Variants in ELAVL4 observed in about 807,000 individuals in gnomAD.
The protein encoded by ELAVL4 is ELAV-like protein 4.
ELAVL4 carries 1 observed loss-of-function variant against 35.6 expected under a neutral mutation model. The observed-to-expected ratio is 0.03, with a 90% CI of 0.01 to 0.13. ELAVL4 has a LOEUF of 0.13. ELAVL4 is among the 10% of genes least tolerant of loss of function. The pLI, the probability that ELAVL4 is intolerant of heterozygous loss-of-function variation, is 1.00. For missense variants in ELAVL4, 267 were observed against 464.9 expected, an observed-to-expected ratio of 0.57 and a Z score of 3.91; for synonymous variants, 156 against 171.0, an observed-to-expected ratio of 0.91 and a Z score of 0.69.
At chr1:50,145,300 G>A in intron 2 of ELAVL4, 103 bp downstream of exon 2, 1 of 1,525,868 alleles carries the variant, frequency 6.6e-7, no homozygotes, top group Non-Finnish European at 8.9e-7. Context: ...CATGTACCCT[G>A]CATGCAAGAT....
chr1:50,158,674 C>T (rs1676183593), intron 2 of ELAVL4, among the ~76,000 whole-genome samples: 1 of 152,108 alleles, frequency 6.6e-6, no homozygotes, highest in African/African-American at 2.4e-5. Flanking sequence ...CTAGATTATC[C>T]CAGAAGCAAG....
chr1:50,103,061 AC>A, upstream of ELAVL4, among the ~76,000 whole-genome samples: 1 of 152,336 alleles, frequency 6.6e-6, no homozygotes, highest in South Asian at 2.1e-4. Context: ...TGGAAAGGAA[AC>A]TTTTACTTTC....
intron 1 of ELAVL4, among the ~76,000 whole-genome samples, chr1:50,070,128 T>C (rs1481813384): frequency 6.6e-6 from 1 of 152,242 alleles, no homozygotes; most frequent in Admixed American, 6.5e-5. Context: ...CTGAGCTTTC[T>C]TGACACTGTT....
intron 2 of ELAVL4, among the ~76,000 whole-genome samples, chr1:50,147,601 C>A (rs1182691370): frequency 2.0e-5 from 3 of 152,102 alleles, no homozygotes; most frequent in African/African-American, 7.2e-5. Context: ...TATATCACAC[C>A]AGGCAAGTGG....
In ELAVL4 at chr1:50,137,485, G is replaced by A. The variant is rs1672077650; in HGVS notation, c.10-7472G>A. Among the ~76,000 whole-genome samples, 3 of 151,720 alleles carry A rather than the reference G, an allele frequency of 2.0e-5. 1 individual carries two copies. The South Asian group carries it at 6.3e-4, about 32-fold the overall frequency. On this transcript the variant is annotated intron_variant, in intron 1 of 6. Coordinates refer to ENST00000371824, the MANE Select transcript of ELAVL4 (RefSeq NM_001144774.3). ...GCCCAGGAGTTCAAGTCCAGCTGGG[G>A]CAACATAGAGAGACCCAGTCAAAAA...
At chr1:50,165,714 A>G (rs1572486339) in intron 2 of ELAVL4, among the ~76,000 whole-genome samples, 1 of 148,346 alleles carries the variant, frequency 6.7e-6, no homozygotes, top group African/African-American at 2.5e-5. Context: ...ATATACTTAT[A>G]TATGTATATA....
intron 1 of ELAVL4, among the ~76,000 whole-genome samples, chr1:50,063,668 C>G (rs1664116030): frequency 6.6e-6 from 1 of 152,168 alleles, no homozygotes; most frequent in Admixed American, 6.5e-5. Flanking sequence ...TCCTCTCTTC[C>G]CAGTTCTTGG....
At chr1:50,091,456 G>T (rs1359445801) in intron 1 of ELAVL4, among the ~76,000 whole-genome samples, 1 of 152,112 alleles carries the variant, frequency 6.6e-6, no homozygotes, top group East Asian at 1.9e-4. Flanking sequence ...TCTGTCGATG[G>T]TGGCCAAAAT....
chr1:50,082,317 T>G (rs1485649558), intron 1 of ELAVL4, among the ~76,000 whole-genome samples: 1 of 152,254 alleles, frequency 6.6e-6, no homozygotes, highest in Non-Finnish European at 1.5e-5. Context: ...GCATTCCTAT[T>G]TCTCCACATC....
Position 50,109,334 on chromosome 1 carries a change from T to C in ELAVL4, c.9+136T>C, listed in dbSNP as rs541706018. 8 of 900,990 alleles carry C rather than the reference T, an allele frequency of 8.9e-6. No individual in the cohort carries two copies. In the East Asian group the frequency reaches 1.8e-4, roughly 20 times the overall value. 55.8% of individuals were successfully genotyped at this position (900,990 alleles called of 1,614,324 possible). On this transcript the variant is annotated intron_variant, in intron 1 of 6. Transcript: ENST00000371824. ...TTGGTTCCTACATTTACTATCTCTTTTGTGTAGAGAGTGCGGGTAGGTCCT... is the reference window on the plus strand; with the variant it reads ...TTGGTTCCTACATTTACTATCTCTTCTGTGTAGAGAGTGCGGGTAGGTCCT...
intron 1 of ELAVL4, among the ~76,000 whole-genome samples, chr1:50,081,001 C>T (rs1664983093): frequency 6.6e-6 from 1 of 152,080 alleles, no homozygotes; most frequent in Non-Finnish European, 1.5e-5. Flanking sequence ...TCATTTTGTT[C>T]TTGGCTTTAA....
intron 1 of ELAVL4, among the ~76,000 whole-genome samples, chr1:50,136,659 T>C (rs998046738): frequency 1.3e-5 from 2 of 152,188 alleles, no homozygotes; most frequent in Non-Finnish European, 2.9e-5. Flanking sequence ...TTGCAATCAG[T>C]ACATTCCTTT....
At chr1:50,108,542 G>GCCCT (rs1572196566), upstream of ELAVL4, among the ~76,000 whole-genome samples, 1 of 152,254 alleles carries the variant, frequency 6.6e-6, no homozygotes, top group East Asian at 1.9e-4. Flanking sequence ...CGGTGGAAAA[G>GCCCT]CCCTCCATCA....
chr1:50,098,184 T>C (rs1192203476), intron 1 of ELAVL4, among the ~76,000 whole-genome samples: 1 of 152,234 alleles, frequency 6.6e-6, no homozygotes, highest in Admixed American at 6.5e-5. Flanking sequence ...TTATGGATAA[T>C]GAAGTGGGCA....
chr1:50,171,337 T>C (rs1321110524), intron 2 of ELAVL4, among the ~76,000 whole-genome samples: 2 of 152,170 alleles, frequency 1.3e-5, no homozygotes, highest in Non-Finnish European at 1.5e-5. Context: ...CCAGTCCCTG[T>C]AGAGAGAAAG....
upstream of ELAVL4, chr1:50,106,173 C>T: frequency 1.6e-6 from 1 of 612,386 alleles, no homozygotes; most frequent in Non-Finnish European, 2.7e-6. Context: ...CATTGTGCCA[C>T]GTAAGGCTTC....
chr1:50,162,863 C>T (rs570090996), intron 2 of ELAVL4, among the ~76,000 whole-genome samples: 33 of 152,290 alleles, frequency 2.2e-4, no homozygotes, highest in Non-Finnish European at 3.8e-4. Context: ...GGATTACTGG[C>T]GTGAGCCACT....
intron 3 of ELAVL4, among the ~76,000 whole-genome samples, chr1:50,182,629 G>A (rs1323194010): frequency 2.6e-5 from 4 of 152,166 alleles, no homozygotes; most frequent in Admixed American, 1.3e-4. Flanking sequence ...ATCTGTCAAC[G>A]ACGTGCCACA....
intron 1 of ELAVL4, among the ~76,000 whole-genome samples, chr1:50,065,777 C>T (rs563026253): frequency 2.0e-5 from 3 of 152,086 alleles, no homozygotes; most frequent in Non-Finnish European, 4.4e-5. Flanking sequence ...AGCTCTTGGG[C>T]AAGAAGGTAG....
Sources: gnomAD v4.1 joint callset for allele counts (sites outside exome capture counted in the v4.1 genomes callset) on GRCh38, gnomAD v4.1.1 for gene constraint, MANE v1.5 for transcripts, NCBI Gene and HGNC (gene_info 2026-07-23, HGNC 2026-07-21) for gene names.